Variants in UHRF2 observed in about 807,000 individuals in gnomAD.
The protein encoded by UHRF2 is E3 ubiquitin-protein ligase UHRF2.
UHRF2 carries 23 observed loss-of-function variants against 96.8 expected under a neutral mutation model. The ratio of observed to expected loss-of-function variants is 0.24; its 90% CI spans 0.17 to 0.34. The LOEUF (loss-of-function observed/expected upper bound fraction) is 0.34. UHRF2 is among the 10% of genes least tolerant of loss of function. The pLI is 1.00. For missense variants in UHRF2, 685 were observed against 981.5 expected, an observed-to-expected ratio of 0.70 and a Z score of 4.04; for synonymous variants, 385 against 332.6, an observed-to-expected ratio of 1.16 and a Z score of -1.72.
intron 3 of UHRF2, among the ~76,000 whole-genome samples, chr9:6,447,480 A>C (rs1821586950): frequency 6.6e-6 from 1 of 152,198 alleles, no homozygotes; most frequent in African/African-American, 2.4e-5. Context: ...TTAGTTCCTG[A>C]AGGAGAACAG....
At chr9:6,438,208 C>G (rs757200420) in intron 3 of UHRF2, among the ~76,000 whole-genome samples, 21 of 152,128 alleles carry the variant, frequency 1.4e-4, no homozygotes, top group Non-Finnish European at 2.2e-4. Flanking sequence ...CCTAAACTTC[C>G]TACCAGTCAA....
At chr9:6,465,349 C>G (rs545208914) in intron 4 of UHRF2, among the ~76,000 whole-genome samples, 7 of 152,142 alleles carry the variant, frequency 4.6e-5, no homozygotes, top group Non-Finnish European at 7.4e-5. Context: ...AATTTGGAAT[C>G]TTCTTTTTCT....
At chr9:6,447,358 A>G (rs1215113177) in intron 3 of UHRF2, among the ~76,000 whole-genome samples, 3 of 152,148 alleles carry the variant, frequency 2.0e-5, no homozygotes, top group African/African-American at 4.8e-5. Flanking sequence ...GTCTCTCCCA[A>G]ACACTCTATA....
At chr9:6,443,247 C>G (rs908412875) in intron 3 of UHRF2, among the ~76,000 whole-genome samples, 7 of 152,130 alleles carry the variant, frequency 4.6e-5, no homozygotes, top group African/African-American at 1.7e-4. Flanking sequence ...GTAGCTTAAT[C>G]CAATAATTCT....
chr9:6,459,360 T>C (rs1445734387), intron 3 of UHRF2, among the ~76,000 whole-genome samples: 1 of 152,194 alleles, frequency 6.6e-6, no homozygotes, highest in Non-Finnish European at 1.5e-5. Flanking sequence ...GAGGCCATCA[T>C]CTAGTCCTGT....
intron 14 of UHRF2, chr9:6,504,222 T>A (rs1816462776): frequency 6.4e-6 from 1 of 155,784 alleles, no homozygotes; most frequent in East Asian, 1.9e-4. Flanking sequence ...CGATGGGGTT[T>A]CACTGTGTTA....
intron 14 of UHRF2, among the ~76,000 whole-genome samples, chr9:6,501,130 AG>A (rs1247502649): frequency 6.6e-6 from 1 of 152,200 alleles, no homozygotes; most frequent in African/African-American, 2.4e-5. Flanking sequence ...TTATCTATTA[AG>A]TATTTTATGT....
chr9:6,422,768 C>A, intron 2 of UHRF2: 1 of 432,376 alleles, frequency 2.3e-6, no homozygotes, highest in South Asian at 6.6e-5. Context: ...CCACCATGCC[C>A]GGCTAACTTA....
At chr9:6,417,215 A>G (rs1248659574) in intron 1 of UHRF2, among the ~76,000 whole-genome samples, 2 of 152,196 alleles carry the variant, frequency 1.3e-5, no homozygotes, top group Admixed American at 1.3e-4. Flanking sequence ...TCATTGTTGC[A>G]GTTCCTCTTG....
intron 3 of UHRF2, among the ~76,000 whole-genome samples, chr9:6,450,303 T>TCC (rs1821778418): frequency 2.4e-5 from 2 of 83,982 alleles, no homozygotes; most frequent in Admixed American, 1.3e-4. Context: ...TTTCTTCCCC[T>TCC]TCCCCCCCCC....
At chr9:6,504,804 CCTT>C in intron 15 of UHRF2, 113 bp downstream of exon 15, 1 of 711,438 alleles carries the variant, frequency 1.4e-6, no homozygotes, top group Non-Finnish European at 2.2e-6. Context: ...AGTTGCGGAA[CCTT>C]CTAGTTAAGA....
chr9:6,415,981 G>C (rs766106678), intron 1 of UHRF2, among the ~76,000 whole-genome samples: 3 of 152,212 alleles, frequency 2.0e-5, no homozygotes, highest in Admixed American at 6.5e-5. Context: ...TACTGAAGCA[G>C]AATCTGTATT....
chr9:6,424,936 A>G (rs1820159014), intron 2 of UHRF2, among the ~76,000 whole-genome samples: 1 of 152,190 alleles, frequency 6.6e-6, no homozygotes, highest in African/African-American at 2.4e-5. Flanking sequence ...TATATAGGGC[A>G]CATACTATCA....
chr9:6,460,504 T>G, intron 3 of UHRF2, 69 bp from the exon 4 acceptor site: 1 of 1,356,196 alleles, frequency 7.4e-7, no homozygotes, highest in African/African-American at 1.5e-5. Flanking sequence ...AATTAGGTTT[T>G]TCTGTACATT....
chr9:6,480,278 G>C (rs1563792545), intron 6 of UHRF2, among the ~76,000 whole-genome samples: 1 of 152,190 alleles, frequency 6.6e-6, no homozygotes, highest in Admixed American at 6.5e-5. Flanking sequence ...ATATAACCCT[G>C]ATGTATTTCC....
intron 4 of UHRF2, among the ~76,000 whole-genome samples, chr9:6,470,709 T>C (rs977889187): frequency 9.2e-5 from 14 of 152,174 alleles, no homozygotes; most frequent in Non-Finnish European, 1.6e-4. Context: ...TCTGGCATCA[T>C]TGGGGAAGTA....
intron 15 of UHRF2, among the ~76,000 whole-genome samples, chr9:6,505,175 C>G (rs1816517276): frequency 6.6e-6 from 1 of 152,232 alleles, no homozygotes; most frequent in East Asian, 1.9e-4. Context: ...AACTTCAGAA[C>G]TTCAGTTTCT....
At chr9:6,474,981 TAAAAG>T (rs1823477602) in intron 4 of UHRF2, among the ~76,000 whole-genome samples, 1 of 152,174 alleles carries the variant, frequency 6.6e-6, no homozygotes, top group Non-Finnish European at 1.5e-5. Flanking sequence ...ATTGCTTACA[TAAAAG>T]AAATGTTAAA....
intron 9 of UHRF2, among the ~76,000 whole-genome samples, chr9:6,488,504 C>T (rs1039691689): frequency 2.0e-5 from 3 of 149,756 alleles, no homozygotes; most frequent in Admixed American, 6.7e-5. Flanking sequence ...TGCTTCTTAA[C>T]CTCTGACAAC....
Sources: allele counts gnomAD v4.1 joint callset (sites outside exome capture counted in the v4.1 genomes callset), GRCh38; gene constraint gnomAD v4.1.1; transcripts MANE v1.5; gene names NCBI Gene and HGNC (gene_info 2026-07-23, HGNC 2026-07-21).